Variants in SDK1 observed in about 807,000 individuals in gnomAD.
SDK1 encodes sidekick cell adhesion molecule 1.
A neutral mutation model predicts 245.5 loss-of-function variants in SDK1; 157 were observed. That is an observed-to-expected ratio of 0.64 (90% CI 0.56 to 0.73). The LOEUF (loss-of-function observed/expected upper bound fraction) is 0.73. Among genes scored for constraint, SDK1 ranks in the 30% least tolerant of loss-of-function variants. The pLI, the probability that SDK1 is intolerant of heterozygous loss-of-function variation, is 0.00. For missense variants in SDK1, 3,583 were observed against 3,002.3 expected, an observed-to-expected ratio of 1.19 and a Z score of -4.52; for synonymous variants, 1,647 against 1,278.5, an observed-to-expected ratio of 1.29 and a Z score of -6.15.
chr7:3,825,850 G>A (rs1779761773), intron 5 of SDK1, among the ~76,000 whole-genome samples: 1 of 152,176 alleles, frequency 6.6e-6, no homozygotes. Context: ...ATGCCTTCCA[G>A]ATGGCCTCTG....
intron 1 of SDK1, among the ~76,000 whole-genome samples, chr7:3,327,961 G>A (rs1779975811): frequency 6.6e-6 from 1 of 152,064 alleles, no homozygotes; most frequent in Non-Finnish European, 1.5e-5. Flanking sequence ...CTATCACTAT[G>A]CATGTGTAAA....
At chr7:4,052,110 T>C (rs1377736491) in intron 19 of SDK1, among the ~76,000 whole-genome samples, 1 of 151,956 alleles carries the variant, frequency 6.6e-6, no homozygotes, top group Non-Finnish European at 1.5e-5. Flanking sequence ...GCTTTGGTCT[T>C]GCTGAACTTG....
In SDK1 at chr7:4,266,153, C is replaced by G. The variant is rs75528200; in HGVS notation, c.*769C>G. On this transcript the variant is annotated 3_prime_UTR_variant, in exon 45 of 45. Coordinates refer to ENST00000404826, the MANE Select transcript of SDK1 (RefSeq NM_152744.4). ...CCACCACGCTGGCCCTCTCCTTCCC[C>G]GAACACAGCACACGGTCAACTCCGC... The G allele has an allele frequency of 1.0e-6, 1 of 985,506 alleles. No individual in the cohort carries two copies. Among genetic ancestry groups the G allele is most frequent in the South Asian group, 4.7e-5 (1 of 21,292 alleles). 61.0% of individuals were successfully genotyped at this position (985,506 alleles called of 1,614,324 possible). A position where few individuals can be genotyped will look rare whatever the true frequency, so the allele number is the denominator to read the frequency against.
At chr7:3,565,465 C>T (rs972654097) in intron 1 of SDK1, among the ~76,000 whole-genome samples, 8 of 152,142 alleles carry the variant, frequency 5.3e-5, no homozygotes, top group Non-Finnish European at 1.0e-4. Flanking sequence ...GGAAGTAAAG[C>T]AAGAGGCATA....
chr7:4,267,708 C>G lies in SDK1; in HGVS notation c.*2324C>G. On this transcript the variant is annotated 3_prime_UTR_variant, in exon 45 of 45. Coordinates refer to ENST00000404826, the MANE Select transcript of SDK1 (RefSeq NM_152744.4). ...GCAGATTCGAGATATGTTTGTTGCT[C>G]TCGGGTTTTCGATACAACATCATGA... The G allele has an allele frequency of 3.0e-6, 3 of 985,464 alleles. No individual in the cohort carries two copies. The highest frequency in any genetic ancestry group is 3.6e-6 in the Non-Finnish European group (3 of 829,956). 61.0% of individuals were successfully genotyped at this position (985,464 alleles called of 1,614,324 possible).
At chr7:3,534,973 C>G (rs1298730679) in intron 1 of SDK1, among the ~76,000 whole-genome samples, 5 of 152,104 alleles carry the variant, frequency 3.3e-5, no homozygotes, top group Admixed American at 1.3e-4. Flanking sequence ...GGTGGCCAGC[C>G]TTCCCCGTGG....
chr7:3,998,740 A>G (rs929889765), intron 14 of SDK1, among the ~76,000 whole-genome samples: 4 of 152,214 alleles, frequency 2.6e-5, no homozygotes, highest in African/African-American at 9.6e-5. Flanking sequence ...CATGTTTTCT[A>G]ACAATGTGCG....
chr7:4,191,528 G>A (rs1783208341), intron 35 of SDK1, among the ~76,000 whole-genome samples: 1 of 152,250 alleles, frequency 6.6e-6, no homozygotes, highest in African/African-American at 2.4e-5. Context: ...AGCCAGTGGA[G>A]GCCTTTCTTC....
intron 22 of SDK1, among the ~76,000 whole-genome samples, chr7:4,090,607 T>C (rs545803342): frequency 9.8e-5 from 15 of 152,312 alleles, no homozygotes; most frequent in African/African-American, 2.6e-4. Context: ...CTTTGAGCAC[T>C]TCCTTATCTT....
chr7:3,552,312 A>G (rs1471061169), intron 1 of SDK1, among the ~76,000 whole-genome samples: 1 of 152,102 alleles, frequency 6.6e-6, no homozygotes, highest in Non-Finnish European at 1.5e-5. Flanking sequence ...AAGTGTGGGG[A>G]TTACAGGTGT....
In SDK1 at chr7:3,301,872, G is replaced by A. The variant is rs1779273250; in HGVS notation, c.286G>A (p.Ala96Thr). ...GGCGCTGCAGCTGCACTTGCTCCGG[G>A]CGCTGGCGCAAGGTAGGTGCGCGCG... is the stretch of plus-strand genomic sequence containing the variant. ...LLALQLHLLR[A>T]LAQDDVAPYF... is the part of the protein sequence containing the mutation. The change falls in exon 1 of 45, where the codon GCG becomes ACG. Residue 96 changes from alanine to threonine, a missense_variant. Coordinates refer to ENST00000404826, the MANE Select transcript of SDK1 (RefSeq NM_152744.4). 3.5e-6 allele frequency: 4 copies of A among 1,137,346 alleles called. No homozygotes were observed. In the African/African-American group the frequency reaches 4.9e-5, roughly 14 times the overall value. 70.5% of individuals were successfully genotyped at this position (1,137,346 alleles called of 1,614,324 possible). A position where few individuals can be genotyped will look rare whatever the true frequency, so the allele number is the denominator to read the frequency against.
intron 4 of SDK1, among the ~76,000 whole-genome samples, chr7:3,748,263 T>G (rs555674389): frequency 7.2e-5 from 11 of 152,366 alleles, no homozygotes; most frequent in African/African-American, 2.6e-4. Context: ...GATTTTTCTG[T>G]GTAGCAGGAT....
At chr7:3,375,721 G>T (rs1438636237) in intron 1 of SDK1, among the ~76,000 whole-genome samples, 2 of 152,132 alleles carry the variant, frequency 1.3e-5, no homozygotes, top group African/African-American at 4.8e-5. Context: ...CCTGCCATGT[G>T]GGTGAGCCAT....
At chr7:4,208,329 C>G (rs747785727) in intron 37 of SDK1, 44 bp downstream of exon 37, 2 of 1,575,288 alleles carry the variant, frequency 1.3e-6, no homozygotes, top group Non-Finnish European at 1.7e-6. Flanking sequence ...TCCTTGGACA[C>G]GTGTTTTGAG....
At chr7:4,103,982 A>G (rs1290200002) in intron 22 of SDK1, among the ~76,000 whole-genome samples, 4 of 152,268 alleles carry the variant, frequency 2.6e-5, no homozygotes, top group South Asian at 4.1e-4. Context: ...CTGTGTTCCA[A>G]TAAAACTTTA....
chr7:3,374,353 T>TG (rs1320747609), intron 1 of SDK1, among the ~76,000 whole-genome samples: 1 of 152,218 alleles, frequency 6.6e-6, no homozygotes, highest in African/African-American at 2.4e-5. Context: ...TGTCATCAGA[T>TG]GCTGTGGTTA....
At chr7:4,043,420 T>C (rs1181891509) in intron 17 of SDK1, among the ~76,000 whole-genome samples, 2 of 144,512 alleles carry the variant, frequency 1.4e-5, no homozygotes. Context: ...AGCCAGGGGC[T>C]CAGGTAGAGT....
At chr7:3,928,668 A>G (rs113048089) in intron 5 of SDK1, among the ~76,000 whole-genome samples, 180 of 152,268 alleles carry the variant, frequency 1.2e-3, no homozygotes, top group African/African-American at 4.2e-3. Context: ...GGTAAGAATA[A>G]CAATAGCAAC....
chr7:3,542,696 G>A (rs1779090478), intron 1 of SDK1, among the ~76,000 whole-genome samples: 2 of 151,988 alleles, frequency 1.3e-5, no homozygotes, highest in Admixed American at 6.6e-5. Context: ...CAGTACTATT[G>A]TCTCTCTTTA....
Sources: allele counts gnomAD v4.1 joint callset (sites outside exome capture counted in the v4.1 genomes callset), GRCh38; gene constraint gnomAD v4.1.1; transcripts MANE v1.5; gene names NCBI Gene and HGNC (gene_info 2026-07-23, HGNC 2026-07-21).